DRP2: variants seen among roughly 807,000 people sequenced by gnomAD.
DRP2 encodes the protein dystrophin-related protein 2.
DRP2 carries 29 observed loss-of-function variants against 78.2 expected under a neutral mutation model. That is an observed-to-expected ratio of 0.37 (90% CI 0.28 to 0.51). The LOEUF (loss-of-function observed/expected upper bound fraction) is 0.51. Ranked by LOEUF, DRP2 falls within the 20% of genes least tolerant of loss-of-function variation. The pLI, the probability that DRP2 is intolerant of heterozygous loss-of-function variation, is 0.94. For synonymous variants in DRP2, 290 were observed against 281.9 expected (o/e 1.03, Z -0.29); for missense variants, 686 against 770.6 (o/e 0.89, Z 1.30).
At chrX:101,231,503 G>T in intron 2 of DRP2, 82 bp from the exon 3 acceptor site, 1 of 568,828 alleles carries the variant, frequency 1.8e-6, no homozygotes, top group Admixed American at 2.3e-5. Context: ...TTGTATATCT[G>T]GTCAAGGCAC....
intron 22 of DRP2, 102 bp from the exon 23 acceptor site, chrX:101,259,947 A>G: frequency 9.5e-7 from 1 of 1,055,834 alleles, no homozygotes; most frequent in Non-Finnish European, 1.3e-6. Context: ...CTAAGGGTAA[A>G]GGGATGGTAT....
intron 12 of DRP2, 31 bp from the exon 13 acceptor site, chrX:101,248,058 T>A (rs763122533): frequency 9.4e-6 from 11 of 1,174,352 alleles, no homozygotes; most frequent in Non-Finnish European, 1.3e-5. Context: ...TTTGGCTATA[T>A]TTTTTTTCTC....
chrX:101,245,408 G>A lies in DRP2; in HGVS notation c.1136G>A (p.Cys379Tyr). The change falls in exon 11 of 24, where the codon TGC becomes TAC. Residue 379 changes from cysteine (C) to tyrosine (Y), a missense_variant. Physicochemically the swap from Cys to Tyr is radical, Grantham distance 194. Transcript: ENST00000395209. Reference protein sequence around the residue: ...YYINHQAQTTCWDHPKMTELY... With the variant: ...YYINHQAQTTYWDHPKMTELY... Reference sequence around the variant, plus strand: ...TGTAGCCACCAGGCTCAGACCACATGCTGGGACCATCCCAAGATGACAGAG... The same window carrying A: ...TGTAGCCACCAGGCTCAGACCACATACTGGGACCATCCCAAGATGACAGAG... 1.7e-6 allele frequency: 2 copies of A among 1,206,285 alleles called. No individual in the cohort carries two copies. The highest frequency in any genetic ancestry group is 2.2e-6 in the Non-Finnish European group (2 of 892,610).
chrX:101,227,037 G>T (rs949266399), intron 2 of DRP2, among the ~76,000 whole-genome samples: 3 of 111,512 alleles, frequency 2.7e-5, no homozygotes, highest in Non-Finnish European at 5.7e-5. Flanking sequence ...TGGCTAGAGG[G>T]CTTAGTGTGC....
At chrX:101,226,159 G>A (rs1156277820) in intron 2 of DRP2, among the ~76,000 whole-genome samples, 9 of 111,489 alleles carry the variant, frequency 8.1e-5, no homozygotes, top group African/African-American at 2.9e-4. Context: ...ATTTTGTATT[G>A]GCATATAAAG....
intron 19 of DRP2, 57 bp downstream of exon 19, chrX:101,254,981 A>G: frequency 4.2e-6 from 5 of 1,189,633 alleles, no homozygotes; most frequent in Non-Finnish European, 4.6e-6. Flanking sequence ...CCGAGGGGAA[A>G]GGATCTTCAG....
rs1252191898 is a variant in DRP2, at chrX:101,248,536, G to A, written c.1477G>A (p.Ala493Thr). The change falls in exon 14 of 24, where the codon GCA becomes ACA. Residue 493 changes from alanine (A) to threonine (T), a missense_variant. Physicochemically the swap from Ala to Thr is moderately conservative, Grantham distance 58 (BLOSUM62 0). Coordinates refer to ENST00000395209, the MANE Select transcript of DRP2 (RefSeq NM_001939.3). ...TAGTGGTCGCAGCGGAAAGATGCGG[G>A]CATTGTCTTTTAAGACTGGCATTGC... ...FDSGRSGKMR[A>T]LSFKTGIACL... 16 of 1,211,942 alleles carry A rather than the reference G, an allele frequency of 1.3e-5. No individual in the cohort carries two copies. Among genetic ancestry groups the A allele is most frequent in the Non-Finnish European group, 1.7e-5 (15 of 895,480 alleles).
rs1394804404 is a variant in DRP2, at chrX:101,261,866, G to C, written c.*1245G>C. 1.8e-5 allele frequency: 2 copies of C among 112,086 alleles called. No homozygotes were observed. Among genetic ancestry groups the C allele is most frequent in the Middle Eastern group, 4.2e-3 (1 of 237 alleles). 9.2% of individuals were successfully genotyped at this position (112,086 alleles called of 1,213,427 possible). A position where few individuals can be genotyped will look rare whatever the true frequency, so the allele number is the denominator to read the frequency against. On this transcript the variant is annotated 3_prime_UTR_variant, in exon 24 of 24. Transcript: ENST00000395209. ...CTTTATCCAGAAACTGTTCAGAATA[G>C]ATAGTAGGGGTGGGGGAGTGGGCTT...
chrX:101,245,479 G>A (rs1350165975), intron 11 of DRP2, 30 bp downstream of exon 11: 2 of 1,125,862 alleles, frequency 1.8e-6, no homozygotes, highest in Admixed American at 2.3e-5. Context: ...GTATAGGGTG[G>A]GCATATACAC....
rs1922747752 is a variant in DRP2 at position 101,241,962 on chromosome X, C to T, written c.828+26C>T. 4 of 1,154,237 alleles carry T rather than the reference C, an allele frequency of 3.5e-6. No individual in the cohort carries two copies. The East Asian group carries it at 1.3e-4, about 38-fold the overall frequency. On this transcript the variant is annotated intron_variant, in intron 7 of 23. Coordinates refer to ENST00000395209, the MANE Select transcript of DRP2 (RefSeq NM_001939.3). ...GTATGCAAGCCCCCTCCCCTGACTACAGTCTACCCTGAGACCTGACACTCT... is the reference window on the plus strand; with the variant it reads ...GTATGCAAGCCCCCTCCCCTGACTATAGTCTACCCTGAGACCTGACACTCT...
intron 2 of DRP2, among the ~76,000 whole-genome samples, chrX:101,226,592 T>C (rs775563908): frequency 1.8e-5 from 2 of 111,709 alleles, no homozygotes; most frequent in African/African-American, 6.5e-5. Flanking sequence ...AGCCTGTGTA[T>C]GGCTTTTAGA....
At position 101,231,697 on chromosome X, in the gene DRP2, A is replaced by T. The variant is rs1922314797; in HGVS notation, c.50A>T (p.His17Leu). ...QGCPYTLPRC[H>L]DWQAADQFHH... Reference sequence around the variant, plus strand: ...TGCCCTTACACCCTCCCACGATGTCATGACTGGCAGGCAGCTGACCAGTTC... The same window carrying T: ...TGCCCTTACACCCTCCCACGATGTCTTGACTGGCAGGCAGCTGACCAGTTC... Residue 17 changes from histidine to leucine, a missense_variant, in exon 3 of 24, where the codon CAT becomes CTT. His to Leu is a moderately conservative substitution (Grantham distance 99, BLOSUM62 -3). Coordinates refer to ENST00000395209, the MANE Select transcript of DRP2 (RefSeq NM_001939.3). 2 of 1,209,280 alleles carry T rather than the reference A, an allele frequency of 1.7e-6. No homozygotes were observed. Among genetic ancestry groups the T allele is most frequent in the East Asian group, 5.9e-5 (2 of 33,727 alleles).
intron 1 of DRP2, among the ~76,000 whole-genome samples, chrX:101,224,373 C>T (rs1233450580): frequency 2.0e-4 from 16 of 79,851 alleles, no homozygotes; most frequent in South Asian, 7.7e-4. Flanking sequence ...CCAGCCTGGG[C>T]GACAGAGCGA....
At chrX:101,233,802 C>T (rs1470208705) in intron 3 of DRP2, among the ~76,000 whole-genome samples, 1 of 111,880 alleles carries the variant, frequency 8.9e-6, no homozygotes. Flanking sequence ...CATGGAACTG[C>T]TGGGTCCCAG....
intron 14 of DRP2, among the ~76,000 whole-genome samples, chrX:101,249,172 G>A (rs1346486927): frequency 8.9e-6 from 1 of 112,127 alleles, no homozygotes; most frequent in African/African-American, 3.2e-5. Flanking sequence ...TGCTAAATGG[G>A]GTGAGTGCTA....
intron 2 of DRP2, among the ~76,000 whole-genome samples, chrX:101,226,703 T>C (rs753434841): frequency 6.3e-5 from 7 of 111,395 alleles, no homozygotes; most frequent in Admixed American, 5.7e-4. Flanking sequence ...AAAAGCATCC[T>C]CCACACCTGC....
rs1268895242 is a variant in DRP2 at position 101,258,367 on chromosome X, C to T, written c.2449C>T (p.Pro817Ser). 10 of 1,199,973 alleles carry T rather than the reference C, an allele frequency of 8.3e-6. No homozygotes were observed. The highest frequency in any genetic ancestry group is 1.1e-5 in the Non-Finnish European group (10 of 889,556). ...KWQHEEAAEA[P>S]SLADGSTEAA... ...GCAGCATGAGGAGGCAGCTGAGGCACCCAGTCTGGCTGACGGCTCCACTGA... is the reference window on the plus strand; with the variant it reads ...GCAGCATGAGGAGGCAGCTGAGGCATCCAGTCTGGCTGACGGCTCCACTGA... The change falls in exon 22 of 24, where the codon CCC becomes TCC. Residue 817 changes from proline to serine, a missense_variant. Transcript: ENST00000395209.
intron 21 of DRP2, among the ~76,000 whole-genome samples, chrX:101,257,922 C>G (rs914966653): frequency 9.0e-6 from 1 of 110,705 alleles, no homozygotes; most frequent in Non-Finnish European, 1.9e-5. Context: ...GTTATGTTTT[C>G]CCTTGGAATC....
At chrX:101,251,771 A>G (rs1923149830) in intron 16 of DRP2, 1 of 112,290 alleles carries the variant, frequency 8.9e-6, no homozygotes, top group Admixed American at 9.4e-5. Flanking sequence ...TCAGCACACC[A>G]CAGTATATAC....
Sources: gnomAD v4.1 joint callset for allele counts (sites outside exome capture counted in the v4.1 genomes callset) on GRCh38, gnomAD v4.1.1 for gene constraint, MANE v1.5 for transcripts, NCBI Gene and HGNC (gene_info 2026-07-23, HGNC 2026-07-21) for gene names.